Variants in PRKG2 observed in about 807,000 individuals in gnomAD.
The protein encoded by PRKG2 is cGMP-dependent protein kinase 2.
In PRKG2, 33 loss-of-function variants were observed where a neutral mutation model predicts 97.2. The ratio of observed to expected loss-of-function variants is 0.34; its 90% CI spans 0.26 to 0.45. PRKG2 has a LOEUF of 0.45. Ranked by LOEUF, PRKG2 falls within the 20% of genes least tolerant of loss-of-function variation. The pLI is 1.00. For missense variants in PRKG2, 638 were observed against 900.0 expected, an observed-to-expected ratio of 0.71 and a Z score of 3.73; for synonymous variants, 330 against 321.8, an observed-to-expected ratio of 1.03 and a Z score of -0.27.
chr4:81,153,810 G>C lies in PRKG2; in HGVS notation c.913-89C>G, dbSNP rs1005469123. On this transcript the variant is annotated intron_variant, in intron 6 of 18. Transcript: ENST00000264399. The stretch of plus-strand genomic sequence containing the variant: ...AGCTCCAGTATACAGCTCCCAGCGT[G>C]AGCGGCGCAGAAGACGGGTGATTTC... The C allele has an allele frequency of 9.0e-5, 80 of 884,802 alleles. No individual in the cohort carries two copies. The East Asian group carries it at 2.0e-3, about 22-fold the overall frequency. 54.8% of individuals were successfully genotyped at this position (884,802 alleles called of 1,614,324 possible). A position where few individuals can be genotyped will look rare whatever the true frequency, so the allele number is the denominator to read the frequency against.
intron 6 of PRKG2, among the ~76,000 whole-genome samples, chr4:81,162,026 A>T (rs925895513): frequency 6.6e-6 from 1 of 152,110 alleles, no homozygotes; most frequent in Non-Finnish European, 1.5e-5. Flanking sequence ...AAATATAGTA[A>T]ATGCACAATT....
intron 6 of PRKG2, among the ~76,000 whole-genome samples, chr4:81,160,050 G>A (rs1749481242): frequency 6.6e-6 from 1 of 151,786 alleles, no homozygotes; most frequent in East Asian, 1.9e-4. Context: ...CATGGCACAT[G>A]TATACATATG....
chr4:81,176,586 A>G (rs1750949284), intron 2 of PRKG2, among the ~76,000 whole-genome samples: 1 of 152,192 alleles, frequency 6.6e-6, no homozygotes, highest in African/African-American at 2.4e-5. Context: ...TATTCCAGTC[A>G]GTGTTTCCTC....
At chr4:81,212,939 G>A (rs1047213250) in intron 1 of PRKG2, among the ~76,000 whole-genome samples, 2 of 152,166 alleles carry the variant, frequency 1.3e-5, no homozygotes, top group Admixed American at 6.5e-5. Flanking sequence ...GGATGTGCAT[G>A]GGAGGGCAAT....
At chr4:81,111,119 A>T (rs575553814) in intron 14 of PRKG2, among the ~76,000 whole-genome samples, 2 of 152,242 alleles carry the variant, frequency 1.3e-5, no homozygotes, top group East Asian at 3.9e-4. Flanking sequence ...GGGGGGCTTA[A>T]TACTCTGGAC....
chr4:81,197,833 T>C (rs1753055959), intron 2 of PRKG2, among the ~76,000 whole-genome samples: 3 of 152,110 alleles, frequency 2.0e-5, no homozygotes, highest in Admixed American at 2.0e-4. Context: ...GAAGCAAACG[T>C]GGAAGAAAAT....
intron 14 of PRKG2, among the ~76,000 whole-genome samples, chr4:81,113,125 C>A (rs1744148037): frequency 6.6e-6 from 1 of 152,062 alleles, no homozygotes; most frequent in Admixed American, 6.6e-5. Context: ...AGAAGGCCAG[C>A]GTGGCTGGGC....
intron 2 of PRKG2, among the ~76,000 whole-genome samples, chr4:81,186,505 C>T (rs1383653731): frequency 2.6e-5 from 4 of 152,042 alleles, no homozygotes; most frequent in Non-Finnish European, 5.9e-5. Flanking sequence ...CACTCAATGC[C>T]CACAGGAGAA....
chr4:81,190,938 T>C (rs2110111801), intron 2 of PRKG2, among the ~76,000 whole-genome samples: 1 of 152,224 alleles, frequency 6.6e-6, no homozygotes, highest in African/African-American at 2.4e-5. Flanking sequence ...AAACAACAGA[T>C]GCTGGAGAGG....
rs567506938 is a variant in PRKG2, at chr4:81,177,937, C to T, written c.462-2978G>A. Among the ~76,000 whole-genome samples the T allele has an allele frequency of 4.6e-5, 7 of 151,842 alleles. No homozygotes were observed. In the East Asian group the frequency reaches 1.4e-3, roughly 30 times the overall value. ...TACAAGGCAGTTGCTGCTTTTCAGGCAGCTACTGAACACAGTCTTGGCTAT... is the reference window on the plus strand; with the variant it reads ...TACAAGGCAGTTGCTGCTTTTCAGGTAGCTACTGAACACAGTCTTGGCTAT... On this transcript the variant is annotated intron_variant, in intron 2 of 18. Transcript: ENST00000264399.
intron 2 of PRKG2, among the ~76,000 whole-genome samples, chr4:81,182,468 T>A (rs956945276): frequency 6.6e-6 from 1 of 151,988 alleles, no homozygotes; most frequent in Non-Finnish European, 1.5e-5. Flanking sequence ...TCGTGAAACA[T>A]TGAAAGCTTT....
In PRKG2 at chr4:81,157,847, G is replaced by T. The variant is rs908446742; in HGVS notation, c.913-4126C>A. ...CAAAAACCACATGATTATCTCAATA[G>T]ATGCAGAAAAGGCCTTTGACAAAAT... On this transcript the variant is annotated intron_variant, in intron 6 of 18. Transcript: ENST00000264399. Among the ~76,000 whole-genome samples the T allele has an allele frequency of 4.8e-4, 72 of 149,256 alleles. 1 individual carries two copies. The highest frequency in any genetic ancestry group is 1.8e-3 in the African/African-American group (71 of 38,662).
chr4:81,118,191 G>C (rs1185398681), intron 14 of PRKG2, among the ~76,000 whole-genome samples: 2 of 152,062 alleles, frequency 1.3e-5, no homozygotes, highest in African/African-American at 2.4e-5. Context: ...TTTTAGCACT[G>C]AAAAATACTC....
At position 81,110,537 on chromosome 4, in the gene PRKG2, T is replaced by G. The variant is rs1347044540; in HGVS notation, c.1851A>C (p.Val617=). The part of the protein sequence containing the change: ...TWTFCGTPEY[V]APEVILNKGH... Reference sequence around the variant, plus strand: ...CCTTGTTGAGAATGACTTCAGGAGCTACATATTCTGGAGTCCCACAGAATG... The same window carrying G: ...CCTTGTTGAGAATGACTTCAGGAGCGACATATTCTGGAGTCCCACAGAATG... Residue 617 remains valine (V), a synonymous_variant, in exon 15 of 19, where the codon GTA becomes GTC. Coordinates refer to ENST00000264399, the MANE Select transcript of PRKG2 (RefSeq NM_006259.3). The G allele has an allele frequency of 6.2e-7, 1 of 1,613,946 alleles. No homozygotes were observed. Among genetic ancestry groups the G allele is most frequent in the South Asian group, 1.1e-5 (1 of 91,072 alleles).
At chr4:81,133,856 T>A (rs1746402396) in intron 14 of PRKG2, among the ~76,000 whole-genome samples, 1 of 145,490 alleles carries the variant, frequency 6.9e-6, no homozygotes, top group Admixed American at 6.9e-5. Flanking sequence ...CTATTTTTTT[T>A]TAAAAATAGC....
chr4:81,177,375 A>C (rs1046407272), intron 2 of PRKG2, among the ~76,000 whole-genome samples: 1 of 152,208 alleles, frequency 6.6e-6, no homozygotes, highest in African/African-American at 2.4e-5. Context: ...TTTTCTCAAA[A>C]GTAGATTATA....
At chr4:81,197,947 G>C (rs979409347) in intron 2 of PRKG2, among the ~76,000 whole-genome samples, 1 of 152,208 alleles carries the variant, frequency 6.6e-6, no homozygotes, top group South Asian at 2.1e-4. Flanking sequence ...AAGCTGCTCA[G>C]CCAAGGCTAG....
At chr4:81,126,969 G>A (rs1012870363) in intron 14 of PRKG2, among the ~76,000 whole-genome samples, 7 of 152,146 alleles carry the variant, frequency 4.6e-5, no homozygotes, top group Admixed American at 2.0e-4. Context: ...GAATGGTACC[G>A]CCTAGGTTTC....
chr4:81,131,967 T>TA (rs967332697), intron 14 of PRKG2, among the ~76,000 whole-genome samples: 37 of 152,224 alleles, frequency 2.4e-4, no homozygotes, highest in South Asian at 1.7e-3. Flanking sequence ...TCTCCATTTC[T>TA]AAAAAAATGG....
Sources: gnomAD v4.1 joint callset for allele counts (sites outside exome capture counted in the v4.1 genomes callset) on GRCh38, gnomAD v4.1.1 for gene constraint, MANE v1.5 for transcripts, NCBI Gene and HGNC (gene_info 2026-07-23, HGNC 2026-07-21) for gene names.